Variants in TACC1 observed in about 807,000 individuals in gnomAD.
TACC1 encodes transforming acidic coiled-coil-containing protein 1.
TACC1 carries 48 observed loss-of-function variants against 84.4 expected under a neutral mutation model. That is an observed-to-expected ratio of 0.57 (90% CI 0.45 to 0.72). The LOEUF (loss-of-function observed/expected upper bound fraction) is 0.72, where lower values mean the gene tolerates loss of function less well. TACC1 is among the 30% of genes least tolerant of loss of function. TACC1 has a pLI of 0.00. For missense variants in TACC1, 920 were observed against 973.0 expected, an observed-to-expected ratio of 0.95 and a Z score of 0.72; for synonymous variants, 372 against 376.3, an observed-to-expected ratio of 0.99 and a Z score of 0.13.
chr8:38,829,103 T>A (rs1016883336), intron 5 of TACC1, among the ~76,000 whole-genome samples: 3 of 152,234 alleles, frequency 2.0e-5, no homozygotes, highest in African/African-American at 7.2e-5. Flanking sequence ...ACTTTACTTA[T>A]GAAAAGTTTA....
intron 1 of TACC1, among the ~76,000 whole-genome samples, chr8:38,729,239 C>T (rs184325715): frequency 6.6e-6 from 1 of 152,360 alleles, no homozygotes; most frequent in African/African-American, 2.4e-5. Flanking sequence ...GGACAACTAC[C>T]TTGAGTTGTT....
At chr8:38,833,596 G>T (rs940600018) in intron 6 of TACC1, among the ~76,000 whole-genome samples, 1 of 152,156 alleles carries the variant, frequency 6.6e-6, no homozygotes, top group Non-Finnish European at 1.5e-5. Flanking sequence ...ATCTCCTACC[G>T]CCTGCTCAGG....
chr8:38,802,024 C>T (rs1821492338), intron 2 of TACC1, among the ~76,000 whole-genome samples: 1 of 152,192 alleles, frequency 6.6e-6, no homozygotes, highest in Non-Finnish European at 1.5e-5. Flanking sequence ...GACAGTCCTG[C>T]CCAGCCTCTC....
chr8:38,737,891 C>A (rs1428908151), intron 1 of TACC1, among the ~76,000 whole-genome samples: 1 of 152,040 alleles, frequency 6.6e-6, no homozygotes, highest in African/African-American at 2.4e-5. Flanking sequence ...CCATGCCTGG[C>A]TAATTTTGTA....
rs571671522 is a variant in TACC1, at chr8:38,819,613, A to G, written c.369A>G (p.Pro123=). 1.9e-6 allele frequency: 3 copies of G among 1,614,250 alleles called. No individual in the cohort carries two copies. In the African/African-American group the frequency reaches 4.0e-5, roughly 22 times the overall value. The change falls in exon 3 of 13, where the codon CCA becomes CCG. Residue 123 remains proline, a synonymous_variant. Coordinates refer to ENST00000317827, the MANE Select transcript of TACC1 (RefSeq NM_006283.3). The stretch of plus-strand genomic sequence containing the variant: ...CTAAACCTTCAGAAAATGAAGTGCC[A>G]CAGCAGGCCATTGACTCTCACTCAG... ...TCSKPSENEV[P]QQAIDSHSVK...
At chr8:38,800,808 T>C (rs553310486) in intron 2 of TACC1, among the ~76,000 whole-genome samples, 39 of 152,328 alleles carry the variant, frequency 2.6e-4, no homozygotes, top group Admixed American at 4.6e-4. Context: ...ATGTCAAACA[T>C]TTTGAGGTAC....
chr8:38,838,321 CA>C (rs1830606940), intron 7 of TACC1, 148 bp from the exon 8 acceptor site: 1 of 557,642 alleles, frequency 1.8e-6, no homozygotes, highest in African/African-American at 1.9e-5. Flanking sequence ...TACACTTTTC[CA>C]AATGGTTACA....
At chr8:38,729,436 G>A (rs532165801) in intron 1 of TACC1, among the ~76,000 whole-genome samples, 9 of 152,350 alleles carry the variant, frequency 5.9e-5, no homozygotes, top group African/African-American at 1.9e-4. Flanking sequence ...GTCTCTGGAA[G>A]GCCAGCCTTG....
At chr8:38,835,306 A>C (rs902818494) in intron 6 of TACC1, among the ~76,000 whole-genome samples, 10 of 152,074 alleles carry the variant, frequency 6.6e-5, no homozygotes, top group African/African-American at 2.4e-4. Flanking sequence ...GCCAGCAAAA[A>C]CGTCTTTTAG....
chr8:38,769,747 G>C (rs1281041407), intron 3 of TACC1, among the ~76,000 whole-genome samples: 2 of 147,136 alleles, frequency 1.4e-5, no homozygotes, highest in Non-Finnish European at 3.0e-5. Flanking sequence ...GAAGGTGTGT[G>C]GTGTGTGTAT....
chr8:38,766,605 G>T (rs547778142), intron 3 of TACC1, among the ~76,000 whole-genome samples: 1 of 152,178 alleles, frequency 6.6e-6, no homozygotes, highest in Non-Finnish European at 1.5e-5. Flanking sequence ...TAATATGATC[G>T]AACTTTTAGG....
chr8:38,834,170 G>A (rs1349901500), intron 6 of TACC1, among the ~76,000 whole-genome samples: 1 of 152,188 alleles, frequency 6.6e-6, no homozygotes, highest in Non-Finnish European at 1.5e-5. Context: ...TGCAATCCAG[G>A]TGTTGATCAG....
chr8:38,778,168 A>G (rs1450213588), intron 3 of TACC1, among the ~76,000 whole-genome samples: 1 of 151,812 alleles, frequency 6.6e-6, no homozygotes, highest in African/African-American at 2.4e-5. Flanking sequence ...CTGGTCTCAA[A>G]CTCCTGGGCT....
At chr8:38,805,177 T>C (rs1460873814) in intron 2 of TACC1, among the ~76,000 whole-genome samples, 11 of 152,202 alleles carry the variant, frequency 7.2e-5, no homozygotes. Context: ...GCGTGGTCTA[T>C]TCTTTGGCTT....
rs889400338 is a variant in TACC1 at position 38,849,680 on chromosome 8, A to G, written c.*1657A>G. 1.3e-5 allele frequency: 2 copies of G among 152,638 alleles called. No homozygotes were observed. Among genetic ancestry groups the G allele is most frequent in the Non-Finnish European group, 2.9e-5 (2 of 68,036 alleles). 9.5% of individuals were successfully genotyped at this position (152,638 alleles called of 1,614,324 possible). A position where few individuals can be genotyped will look rare whatever the true frequency, so the allele number is the denominator to read the frequency against. On this transcript the variant is annotated 3_prime_UTR_variant, in exon 13 of 13. Coordinates refer to ENST00000317827, the MANE Select transcript of TACC1 (RefSeq NM_006283.3). ...ATAATGTCTTTTAAAGCCAGAAGTCACATTTTACCAATATGCATTTATCAT... is the reference window on the plus strand; with the variant it reads ...ATAATGTCTTTTAAAGCCAGAAGTCGCATTTTACCAATATGCATTTATCAT...
At chr8:38,846,088 C>G (rs1392294648) in intron 11 of TACC1, 1 of 150,934 alleles carries the variant, frequency 6.6e-6, no homozygotes, top group Non-Finnish European at 1.5e-5. Flanking sequence ...GTCAGGAGAT[C>G]GAGACCACGG....
chr8:38,836,695 C>T (rs748026303), intron 7 of TACC1, among the ~76,000 whole-genome samples: 3 of 152,126 alleles, frequency 2.0e-5, no homozygotes, highest in African/African-American at 4.8e-5. Flanking sequence ...TTCTTTAAAC[C>T]GTTCAACTCT....
intron 5 of TACC1, 125 bp from the exon 6 acceptor site, chr8:38,831,000 T>C: frequency 1.3e-6 from 1 of 794,694 alleles, no homozygotes; most frequent in Admixed American, 2.6e-5. Flanking sequence ...TTAAATAAAA[T>C]CTTAAAATGC....
At chr8:38,836,135 G>T in intron 6 of TACC1, 27 bp from the exon 7 acceptor site, 1 of 1,611,294 alleles carries the variant, frequency 6.2e-7, no homozygotes, top group South Asian at 1.1e-5. Context: ...AAAGCTGACA[G>T]ATTCAGTGTA....
Sources: gnomAD v4.1 joint callset for allele counts (sites outside exome capture counted in the v4.1 genomes callset) on GRCh38, gnomAD v4.1.1 for gene constraint, MANE v1.5 for transcripts, NCBI Gene and HGNC (gene_info 2026-07-23, HGNC 2026-07-21) for gene names.